TRIP12: variants seen among roughly 807,000 people sequenced by gnomAD.
The protein encoded by TRIP12 is thyroid hormone receptor interactor 12.
In TRIP12, 25 loss-of-function variants were observed where a neutral mutation model predicts 244.2. That is an observed-to-expected ratio of 0.10 (90% CI 0.07 to 0.14). The LOEUF (loss-of-function observed/expected upper bound fraction) is 0.14, where lower values mean the gene tolerates loss of function less well. TRIP12 is among the 10% of genes least tolerant of loss of function. The pLI, the probability that TRIP12 is intolerant of heterozygous loss-of-function variation, is 1.00. For synonymous variants in TRIP12, 905 were observed against 873.1 expected (o/e 1.04, Z -0.64); for missense variants, 1,677 against 2,486.4 (o/e 0.67, Z 6.92).
intron 2 of TRIP12, among the ~76,000 whole-genome samples, chr2:229,867,867 T>C (rs1037426904): frequency 6.6e-6 from 1 of 152,224 alleles, no homozygotes; most frequent in Non-Finnish European, 1.5e-5. Flanking sequence ...AAATTACTAA[T>C]AGAAAACATA....
chr2:229,922,551 T>C, upstream of TRIP12: 1 of 1,614,026 alleles, frequency 6.2e-7, no homozygotes, highest in Non-Finnish European at 8.5e-7. Flanking sequence ...TTTGAAACTG[T>C]AGGACAAGGC....
intron 1 of TRIP12, among the ~76,000 whole-genome samples, chr2:229,891,742 T>C (rs1031214048): frequency 2.0e-5 from 3 of 152,250 alleles, no homozygotes; most frequent in African/African-American, 7.2e-5. Context: ...TCATCTTCTA[T>C]TCCTTTGTAA....
chr2:229,871,388 G>A (rs929293795), intron 2 of TRIP12, among the ~76,000 whole-genome samples: 2 of 152,206 alleles, frequency 1.3e-5, no homozygotes, highest in African/African-American at 4.8e-5. Context: ...GGGGCCTGGT[G>A]GGAGGTGTTT....
intron 31 of TRIP12, 95 bp downstream of exon 31, chr2:229,789,516 T>C: frequency 6.9e-7 from 1 of 1,459,278 alleles, no homozygotes; most frequent in Non-Finnish European, 9.3e-7. Context: ...CTAGGAGCCC[T>C]GCATTTAGCT....
intron 2 of TRIP12, among the ~76,000 whole-genome samples, chr2:229,862,954 G>A (rs2060702605): frequency 6.6e-6 from 1 of 152,138 alleles, no homozygotes; most frequent in South Asian, 2.1e-4. Context: ...GCCCAGCAGG[G>A]CACGGTGGCT....
chr2:229,771,464 A>C, intron 39 of TRIP12, 55 bp downstream of exon 39: 7 of 1,484,136 alleles, frequency 4.7e-6, no homozygotes, highest in Non-Finnish European at 6.6e-6. Context: ...GCAGCACAGA[A>C]ACACTCCACT....
intron 2 of TRIP12, among the ~76,000 whole-genome samples, chr2:229,877,297 T>C (rs2063776212): frequency 6.6e-6 from 1 of 152,086 alleles, no homozygotes. Context: ...CCCAGCACTT[T>C]GGGAGGCCAA....
chr2:229,898,716 A>G (rs2069665999), intron 1 of TRIP12, among the ~76,000 whole-genome samples: 1 of 152,202 alleles, frequency 6.6e-6, no homozygotes, highest in Non-Finnish European at 1.5e-5. Context: ...TTTTAAAGAC[A>G]GGGTCCCACT....
intron 6 of TRIP12, among the ~76,000 whole-genome samples, chr2:229,831,474 G>C (rs1246937545): frequency 6.6e-6 from 1 of 152,120 alleles, no homozygotes; most frequent in Non-Finnish European, 1.5e-5. Context: ...AGGGGTTCAA[G>C]ACCAACCCGG....
intron 1 of TRIP12, among the ~76,000 whole-genome samples, chr2:229,903,021 T>TC (rs2071514062): frequency 6.9e-6 from 1 of 144,572 alleles, no homozygotes; most frequent in Admixed American, 7.0e-5. Context: ...TTTTTTTCTT[T>TC]TTTTTTTTTT....
At chr2:229,831,127 A>C in intron 6 of TRIP12, 1 of 715,864 alleles carries the variant, frequency 1.4e-6, no homozygotes, top group Non-Finnish European at 2.6e-6. Context: ...TCTTTAATTA[A>C]GATGTCCTGA....
At chr2:229,772,793 C>T (rs2034896931) in intron 38 of TRIP12, among the ~76,000 whole-genome samples, 2 of 151,988 alleles carry the variant, frequency 1.3e-5, no homozygotes, top group Admixed American at 1.3e-4. Flanking sequence ...CTCTCTCTCT[C>T]TCTCTTTTAA....
chr2:229,776,226 T>C (rs776952060), intron 37 of TRIP12, among the ~76,000 whole-genome samples: 7 of 152,194 alleles, frequency 4.6e-5, no homozygotes, highest in Non-Finnish European at 1.0e-4. Flanking sequence ...AACATATATA[T>C]GCTATCTAAA....
chr2:229,836,199 G>C (rs925879609), intron 6 of TRIP12, among the ~76,000 whole-genome samples: 1 of 152,070 alleles, frequency 6.6e-6, no homozygotes, highest in Middle Eastern at 3.2e-3. Context: ...CTGATTTAAG[G>C]GACTCATACA....
intron 1 of TRIP12, among the ~76,000 whole-genome samples, chr2:229,882,388 A>T (rs1376753219): frequency 1.3e-5 from 2 of 152,174 alleles, no homozygotes; most frequent in African/African-American, 4.8e-5. Context: ...AAGGGTAAAC[A>T]TCTCAATCAC....
chr2:229,917,738 G>T (rs976086540), intron 1 of TRIP12, among the ~76,000 whole-genome samples: 1 of 152,176 alleles, frequency 6.6e-6, no homozygotes. Context: ...CTTCCAAGCA[G>T]GTTGGAGTCC....
intron 39 of TRIP12, among the ~76,000 whole-genome samples, chr2:229,770,715 G>A (rs1353707271): frequency 6.6e-6 from 1 of 152,162 alleles, no homozygotes; most frequent in African/African-American, 2.4e-5. Context: ...CCCACCTGCT[G>A]TGGGAATGAC....
chr2:229,903,086 C>A (rs996295921), intron 1 of TRIP12, among the ~76,000 whole-genome samples: 11 of 139,970 alleles, frequency 7.9e-5, no homozygotes, highest in African/African-American at 3.0e-4. Context: ...GGGAGACAGG[C>A]TAGGCATCCT....
intron 1 of TRIP12, among the ~76,000 whole-genome samples, chr2:229,892,597 G>A (rs1417324361): frequency 3.3e-5 from 5 of 152,124 alleles, no homozygotes; most frequent in Admixed American, 2.6e-4. Context: ...GGTCAGGCAC[G>A]GTGGCTCACA....
Sources: allele counts gnomAD v4.1 joint callset (sites outside exome capture counted in the v4.1 genomes callset), GRCh38; gene constraint gnomAD v4.1.1; transcripts MANE v1.5; gene names NCBI Gene and HGNC (gene_info 2026-07-23, HGNC 2026-07-21).